Variants in SVOPL observed in about 807,000 individuals in gnomAD.
SVOPL encodes putative transporter SVOPL.
Under a neutral mutation model 61.0 loss-of-function variants are expected in SVOPL, and 60 were observed. That is an observed-to-expected ratio of 0.98 (90% CI 0.80 to 1.22). The LOEUF (loss-of-function observed/expected upper bound fraction) is 1.22. SVOPL is among the 50% of genes most tolerant of loss of function. SVOPL has a pLI of 0.00. For missense variants in SVOPL, 662 were observed against 643.9 expected (o/e 1.03, Z -0.30); for synonymous variants, 279 against 250.0 (o/e 1.12, Z -1.09).
intron 3 of SVOPL, among the ~76,000 whole-genome samples, chr7:138,674,191 G>C (rs1802498529): frequency 8.1e-6 from 1 of 123,202 alleles, no homozygotes; most frequent in African/African-American, 3.7e-5. Flanking sequence ...TCGTCTCCCA[G>C]AAAACACATA....
intron 1 of SVOPL, among the ~76,000 whole-genome samples, chr7:138,692,837 A>C (rs1343341548): frequency 6.6e-6 from 1 of 152,208 alleles, no homozygotes; most frequent in Non-Finnish European, 1.5e-5. Context: ...TTGTGGTTTC[A>C]GGACGGAACA....
intron 4 of SVOPL, among the ~76,000 whole-genome samples, chr7:138,666,732 T>C (rs2117100442): frequency 6.6e-6 from 1 of 152,306 alleles, no homozygotes; most frequent in South Asian, 2.1e-4. Flanking sequence ...AGAGCCAAAT[T>C]CCACCTCATT....
chr7:138,659,550 C>G (rs1373421405), intron 6 of SVOPL, among the ~76,000 whole-genome samples: 1 of 151,912 alleles, frequency 6.6e-6, no homozygotes, highest in African/African-American at 2.4e-5. Context: ...AGTCCCCCAC[C>G]CTTTGAGTTG....
chr7:138,647,186 C>T, intron 8 of SVOPL, among the ~76,000 whole-genome samples: 1 of 152,036 alleles, frequency 6.6e-6, no homozygotes, highest in Middle Eastern at 3.2e-3. Flanking sequence ...CCAGCCTGGC[C>T]AACATGGTGA....
intron 13 of SVOPL, 61 bp downstream of exon 13, chr7:138,625,908 G>A: frequency 6.5e-7 from 1 of 1,536,476 alleles, no homozygotes; most frequent in South Asian, 1.2e-5. Context: ...ACCTTTGGAT[G>A]GACATCCTAA....
intron 5 of SVOPL, chr7:138,660,216 A>C (rs1584849787): frequency 1.4e-5 from 18 of 1,259,916 alleles, no homozygotes; most frequent in East Asian, 1.2e-4. Context: ...TAAAACTACC[A>C]TGCTGTGCCC....
intron 14 of SVOPL, among the ~76,000 whole-genome samples, chr7:138,616,986 T>G (rs1035992436): frequency 1.8e-4 from 27 of 152,168 alleles, no homozygotes; most frequent in African/African-American, 6.5e-4. Flanking sequence ...TTATTTATTC[T>G]GAGACAGAGT....
At chr7:138,689,396 C>A in intron 1 of SVOPL, 25 of 1,430,200 alleles carry the variant, frequency 1.7e-5, no homozygotes, top group African/African-American at 2.8e-5. Flanking sequence ...TTTACCCATG[C>A]ATGAGCTCTC....
chr7:138,656,676 T>A (rs1801750972), intron 6 of SVOPL, among the ~76,000 whole-genome samples, 165 bp from the exon 7 acceptor site: 1 of 152,190 alleles, frequency 6.6e-6, no homozygotes. Context: ...AAGAGAACAG[T>A]AAGAACGAAA....
intron 1 of SVOPL, chr7:138,689,481 A>G: frequency 1.2e-6 from 1 of 841,916 alleles, no homozygotes; most frequent in Non-Finnish European, 2.0e-6. Context: ...TGCCCTGAAG[A>G]AAAAGATATC....
At chr7:138,643,821 G>C (rs1184199971) in intron 9 of SVOPL, among the ~76,000 whole-genome samples, 1 of 152,140 alleles carries the variant, frequency 6.6e-6, no homozygotes, top group Non-Finnish European at 1.5e-5. Flanking sequence ...GAGTTCTGGA[G>C]ATGGATGGTG....
chr7:138,638,799 A>G (rs557912862), intron 9 of SVOPL, among the ~76,000 whole-genome samples: 17 of 152,350 alleles, frequency 1.1e-4, no homozygotes, highest in African/African-American at 3.8e-4. Flanking sequence ...CTCTAGAATA[A>G]AAGAAAGTAC....
At chr7:138,642,848 A>AAAAAAAAAAAAG (rs1437306629) in intron 9 of SVOPL, among the ~76,000 whole-genome samples, 1 of 35,448 alleles carries the variant, frequency 2.8e-5, no homozygotes, top group African/African-American at 5.5e-5. Context: ...AAAAAAAAAA[A>AAAAAAAAAAAAG]AAGAAGAAAC....
Position 138,596,640 on chromosome 7 carries a change from G to A in SVOPL, c.1354-110C>T, listed in dbSNP as rs1317184586. ...CACTTCACTAAGATGGTCCTTTGCA[G>A]CCATTCTACAGGTTGTACCTTCCTG... On this transcript the variant is annotated intron_variant, in intron 14 of 15. Transcript: ENST00000674285. 8.2e-6 allele frequency: 12 copies of A among 1,457,826 alleles called. No homozygotes were observed. The Admixed American group carries it at 2.7e-4, about 33-fold the overall frequency. The allele number at this position is 1,457,826 out of a possible 1,614,324, so 90.3% of individuals were successfully genotyped here.
intron 14 of SVOPL, among the ~76,000 whole-genome samples, chr7:138,603,955 C>CTTTTTTTTTTTT (rs560678707): frequency 5.8e-4 from 63 of 109,220 alleles, no homozygotes; most frequent in Non-Finnish European, 7.8e-4. Flanking sequence ...TTAATTTATT[C>CTTTTTTTTTTTT]TTTTTTTTTT....
At chr7:138,676,352 C>T (rs1406073315) in intron 3 of SVOPL, among the ~76,000 whole-genome samples, 1 of 152,208 alleles carries the variant, frequency 6.6e-6, no homozygotes, top group African/African-American at 2.4e-5. Context: ...TTCATTTTCT[C>T]ACAGTTCTGC....
intron 3 of SVOPL, among the ~76,000 whole-genome samples, chr7:138,675,719 CACTT>C (rs1440222837): frequency 6.6e-6 from 1 of 152,110 alleles, no homozygotes; most frequent in East Asian, 1.9e-4. Flanking sequence ...AGAGTTTTCT[CACTT>C]ACCTCCCTCC....
chr7:138,623,033 C>T (rs1437529635), intron 13 of SVOPL, among the ~76,000 whole-genome samples: 2 of 152,178 alleles, frequency 1.3e-5, no homozygotes, highest in African/African-American at 4.8e-5. Context: ...CACATCTTTG[C>T]CACCATCTGT....
At chr7:138,627,025 C>G (rs1799923422) in intron 12 of SVOPL, among the ~76,000 whole-genome samples, 1 of 152,120 alleles carries the variant, frequency 6.6e-6, no homozygotes, top group South Asian at 2.1e-4. Flanking sequence ...ACTTTCTTGG[C>G]ACTGGTTCAA....
Sources: gnomAD v4.1 joint callset for allele counts (sites outside exome capture counted in the v4.1 genomes callset) on GRCh38, gnomAD v4.1.1 for gene constraint, MANE v1.5 for transcripts, NCBI Gene and HGNC (gene_info 2026-07-23, HGNC 2026-07-21) for gene names.